OR2C1: variants seen among roughly 807,000 people sequenced by gnomAD.
The protein encoded by OR2C1 is olfactory receptor 2C1.
For synonymous variants in OR2C1, 209 were observed against 167.3 expected, an observed-to-expected ratio of 1.25 and a Z score of -1.92; for missense variants, 468 against 388.3, an observed-to-expected ratio of 1.21 and a Z score of -1.73.
In OR2C1 at chr16:3,356,214, A is replaced by T; in HGVS notation, c.274A>T (p.Ile92Phe). 3 of 1,614,222 alleles carry T rather than the reference A, an allele frequency of 1.9e-6. 1 individual carries two copies. Among genetic ancestry groups the T allele is most frequent in the Non-Finnish European group, 2.5e-6 (3 of 1,180,042 alleles). The change falls in exon 1 of 1, where the codon ATC becomes TTC. Residue 92 changes from isoleucine to phenylalanine, a missense_variant. By Grantham distance (21) the Ile-to-Phe change is conservative (BLOSUM62 0). Transcript: ENST00000304936. ...CAATTTATGGGGACCAGGCAAGACC[A>T]TCAGCTATGGTGGCTGCATAACCCA... ...LINLWGPGKT[I>F]SYGGCITQLY...
the OR2C1 span, among the ~76,000 whole-genome samples, chr16:3,331,564 A>G: frequency 6.6e-6 from 1 of 150,378 alleles, no homozygotes; most frequent in Non-Finnish European, 1.5e-5. Context: ...TGATTTTTGT[A>G]TAAGGTGTAA....
the OR2C1 span, among the ~76,000 whole-genome samples, chr16:3,342,621 C>T: frequency 3.3e-5 from 5 of 152,012 alleles, no homozygotes; most frequent in African/African-American, 4.8e-5. Context: ...GACTCACGCC[C>T]GTAATGCTAG....
At chr16:3,345,321 A>G in the OR2C1 span, among the ~76,000 whole-genome samples, 4 of 151,460 alleles carry the variant, frequency 2.6e-5, no homozygotes, top group Non-Finnish European at 4.4e-5. Context: ...CGTCTCTACT[A>G]AAAAAATACA....
chr16:3,354,887 C>T (rs942543649), upstream of OR2C1, among the ~76,000 whole-genome samples: 35 of 152,154 alleles, frequency 2.3e-4, no homozygotes, highest in Non-Finnish European at 1.0e-4. Flanking sequence ...ACCTCAGCCT[C>T]TTAAAATGCT....
chr16:3,339,457 AT>A, the OR2C1 span, among the ~76,000 whole-genome samples: 1 of 151,806 alleles, frequency 6.6e-6, no homozygotes, highest in Admixed American at 6.6e-5. Context: ...TGGCTGAACC[AT>A]TTTACTTTTT....
Position 3,356,380 on chromosome 16 carries a change from T to C in OR2C1, c.440T>C (p.Ile147Thr). The change falls in exon 1 of 1, where the codon ATT becomes ACT. Residue 147 changes from isoleucine (I) to threonine (T), a missense_variant. By Grantham distance (89) the Ile-to-Thr change is moderately conservative. Coordinates refer to ENST00000304936, the MANE Select transcript of OR2C1 (RefSeq NM_012368.3). ...CAGCTCTGCTGGCTGCTGGCTGTGA[T>C]TGCCTGCCTGGGTGGCTTGGGCAAC... Reference protein sequence around the residue: ...NPQLCWLLAVIACLGGLGNSV... With the variant: ...NPQLCWLLAVTACLGGLGNSV... The C allele has an allele frequency of 1.2e-6, 2 of 1,613,828 alleles. No individual in the cohort carries two copies. Among genetic ancestry groups the C allele is most frequent in the Non-Finnish European group, 1.7e-6 (2 of 1,180,026 alleles).
the OR2C1 span, among the ~76,000 whole-genome samples, chr16:3,329,146 C>T: frequency 3.7e-5 from 5 of 133,408 alleles, no homozygotes; most frequent in Non-Finnish European, 7.7e-5. Context: ...CTCTAGAAGG[C>T]ATCAGGAAGG....
chr16:3,329,748 CTTTTTTT>C, the OR2C1 span, among the ~76,000 whole-genome samples: 11 of 62,630 alleles, frequency 1.8e-4, no homozygotes, highest in Admixed American at 2.3e-4. Flanking sequence ...GGCGCCCGGC[CTTTTTTT>C]TTTTTTTTTT....
chr16:3,356,280 C>A lies in OR2C1; in HGVS notation c.340C>A (p.Leu114Met), dbSNP rs1378989165. 4 of 1,613,848 alleles carry A rather than the reference C, an allele frequency of 2.5e-6. No homozygotes were observed. The highest frequency in any genetic ancestry group is 1.7e-6 in the Non-Finnish European group (2 of 1,180,006). ...TTGGCTGGGGGCCACCGAGTGCATC[C>A]TGCTGGTGGTGATGGCATTTGACCG... is the stretch of plus-strand genomic sequence containing the variant. ...FLWLGATECI[L>M]LVVMAFDRYV... Residue 114 changes from leucine (L) to methionine (M), a missense_variant, in exon 1 of 1, where the codon CTG (leucine) becomes ATG (methionine). Coordinates refer to ENST00000304936, the MANE Select transcript of OR2C1 (RefSeq NM_012368.3).
chr16:3,347,362 T>C, the OR2C1 span, among the ~76,000 whole-genome samples: 2 of 150,848 alleles, frequency 1.3e-5, no homozygotes, highest in African/African-American at 4.9e-5. Flanking sequence ...ACCACTGCAC[T>C]CCAGCCTAGG....
chr16:3,348,741 G>T, the OR2C1 span, among the ~76,000 whole-genome samples: 15 of 152,278 alleles, frequency 9.9e-5, no homozygotes, highest in African/African-American at 3.4e-4. Flanking sequence ...TAGTTTCAGG[G>T]TAATTCATCT....
At chr16:3,354,744 C>T (rs892923251), upstream of OR2C1, among the ~76,000 whole-genome samples, 2 of 152,106 alleles carry the variant, frequency 1.3e-5, no homozygotes, top group South Asian at 2.1e-4. Flanking sequence ...CTTCCCTGAG[C>T]GTATCAGAAT....
the OR2C1 span, among the ~76,000 whole-genome samples, chr16:3,344,877 A>C: frequency 5.3e-5 from 8 of 152,186 alleles, 1 homozygote; most frequent in South Asian, 1.2e-3. Context: ...ATTATTCAGC[A>C]TTGTCAATTA....
the OR2C1 span, among the ~76,000 whole-genome samples, chr16:3,324,216 G>C: frequency 4.3e-4 from 65 of 152,234 alleles, no homozygotes; most frequent in African/African-American, 1.4e-3. Flanking sequence ...TTTGGAGACA[G>C]AGCCTCACTC....
chr16:3,340,996 C>A, the OR2C1 span, among the ~76,000 whole-genome samples: 1 of 151,566 alleles, frequency 6.6e-6, no homozygotes, highest in Admixed American at 6.6e-5. Context: ...AAAAAAAGAC[C>A]ACTGAAAATT....
rs376908052 is a variant in OR2C1, at chr16:3,356,726, G to C, written c.786G>C (p.Pro262=). 1.1e-5 allele frequency: 18 copies of C among 1,614,024 alleles called. No individual in the cohort carries two copies. The highest frequency in any genetic ancestry group is 1.5e-5 in the Non-Finnish European group (18 of 1,179,992). Residue 262 remains proline (P), a synonymous_variant, in exon 1 of 1, where the codon CCG becomes CCC. Transcript: ENST00000304936. ...CAGCCAGCTATGGGTATCTGCTTCC[G>C]GCCAAGAACAGCAAACAGGACCAGG... ...YGSASYGYLL[P]AKNSKQDQGK...
chr16:3,349,050 T>G, the OR2C1 span, among the ~76,000 whole-genome samples: 97 of 152,226 alleles, frequency 6.4e-4, no homozygotes, highest in African/African-American at 2.1e-3. Context: ...GAGCCTGTCA[T>G]GTAACCACTA....
At chr16:3,346,871 A>G in the OR2C1 span, among the ~76,000 whole-genome samples, 3 of 150,406 alleles carry the variant, frequency 2.0e-5, no homozygotes, top group African/African-American at 7.3e-5. Flanking sequence ...GCCTCAAGTG[A>G]TCTGCCCACC....
At chr16:3,334,611 A>G in the OR2C1 span, among the ~76,000 whole-genome samples, 1 of 150,936 alleles carries the variant, frequency 6.6e-6, no homozygotes, top group East Asian at 2.0e-4. Context: ...CAGGGATTAC[A>G]GGCAAGAGCC....
Sources: gnomAD v4.1 joint callset for allele counts (sites outside exome capture counted in the v4.1 genomes callset) on GRCh38, gnomAD v4.1.1 for gene constraint, MANE v1.5 for transcripts, NCBI Gene and HGNC (gene_info 2026-07-23, HGNC 2026-07-21) for gene names.